CFDP1: variants seen among roughly 807,000 people sequenced by gnomAD.
CFDP1 encodes heterochromatin-stabilizing protein CFDP1.
Under a neutral mutation model 40.1 loss-of-function variants are expected in CFDP1, and 31 were observed. The ratio of observed to expected loss-of-function variants is 0.77; its 90% CI spans 0.58 to 1.04. The LOEUF (loss-of-function observed/expected upper bound fraction) is 1.04. CFDP1 is among the 50% of genes least tolerant of loss of function. CFDP1 has a pLI of 0.00. For synonymous variants in CFDP1, 167 were observed against 120.0 expected (o/e 1.39, Z -2.56); for missense variants, 423 against 343.4 (o/e 1.23, Z -1.83).
rs186312371 is a variant in CFDP1 at position 75,381,895 on chromosome 16, C to A, written c.650+13195G>T. Among the ~76,000 whole-genome samples, 24 of 152,156 alleles carry A rather than the reference C, an allele frequency of 1.6e-4. No individual in the cohort carries two copies. In the East Asian group the frequency reaches 4.1e-3, roughly 26 times the overall value. On this transcript the variant is annotated intron_variant, in intron 5 of 6. Transcript: ENST00000283882. Reference sequence around the variant, plus strand: ...GATGATACTATTAGATGCATAAAGACAAGAGGCCTATGAATCTTGGGAAAA... The same window carrying A: ...GATGATACTATTAGATGCATAAAGAAAAGAGGCCTATGAATCTTGGGAAAA...
At chr16:75,342,142 T>C (rs985082693) in intron 5 of CFDP1, among the ~76,000 whole-genome samples, 6 of 152,240 alleles carry the variant, frequency 3.9e-5, no homozygotes, top group Admixed American at 3.3e-4. Context: ...ACTGTCAGGA[T>C]TGATTTGTGG....
intron 5 of CFDP1, among the ~76,000 whole-genome samples, chr16:75,385,045 T>G (rs1353962826): frequency 1.3e-5 from 2 of 151,404 alleles, no homozygotes; most frequent in African/African-American, 2.4e-5. Context: ...TAAATAAACC[T>G]TGATAGGTAT....
At chr16:75,349,690 A>T (rs201669051) in intron 5 of CFDP1, among the ~76,000 whole-genome samples, 7,037 of 12,994 alleles carry the variant, frequency 0.54, 2,500 homozygotes, top group African/African-American at 0.71. Flanking sequence ...AAAAAAAAAA[A>T]ATATATATAC....
At chr16:75,427,165 A>C (rs570225170) in intron 1 of CFDP1, among the ~76,000 whole-genome samples, 2 of 152,314 alleles carry the variant, frequency 1.3e-5, no homozygotes, top group Admixed American at 1.3e-4. Flanking sequence ...AGACACACCA[A>C]AGAAGATAAA....
intron 1 of CFDP1, among the ~76,000 whole-genome samples, chr16:75,423,690 A>G (rs2079304763): frequency 6.6e-6 from 1 of 151,854 alleles, no homozygotes; most frequent in African/African-American, 2.4e-5. Flanking sequence ...AATTTTTTGT[A>G]TTTTTAGTTG....
intron 5 of CFDP1, among the ~76,000 whole-genome samples, chr16:75,332,272 C>T (rs1001953354): frequency 7.2e-5 from 11 of 152,078 alleles, no homozygotes; most frequent in African/African-American, 2.4e-4. Flanking sequence ...CGAGACCCGC[C>T]TGGACAATAT....
At chr16:75,396,440 G>A (rs2078995366) in intron 4 of CFDP1, among the ~76,000 whole-genome samples, 1 of 103,472 alleles carries the variant, frequency 9.7e-6, no homozygotes, top group African/African-American at 2.9e-5. Context: ...TAGGGAGGCT[G>A]AGGCAGGAGA....
chr16:75,423,236 G>A (rs2079299659), intron 1 of CFDP1, among the ~76,000 whole-genome samples: 5 of 146,184 alleles, frequency 3.4e-5, no homozygotes, highest in Admixed American at 3.4e-4. Flanking sequence ...AACCGAGATG[G>A]TGCCACTGCA....
rs564068237 is a variant in CFDP1, at chr16:75,357,158, C to T, written c.650+37932G>A. Among the ~76,000 whole-genome samples, 185 of 152,162 alleles carry T rather than the reference C, an allele frequency of 1.2e-3. 1 individual carries two copies. Among genetic ancestry groups the T allele is most frequent in the African/African-American group, 4.3e-3 (179 of 41,550 alleles). On this transcript the variant is annotated intron_variant, in intron 5 of 6. Transcript: ENST00000283882. ...GAACTTCTGGCCTCATGTGATCCAC[C>T]CGCCTTGGCCTCCCAAAGTGCTGGG...
chr16:75,308,391 C>T (rs551125538), intron 5 of CFDP1, among the ~76,000 whole-genome samples: 1 of 152,334 alleles, frequency 6.6e-6, no homozygotes, highest in Admixed American at 6.5e-5. Flanking sequence ...ACTCCCTGCA[C>T]TCAAAATCCT....
At chr16:75,364,125 CA>C (rs1248780955) in intron 5 of CFDP1, among the ~76,000 whole-genome samples, 2 of 151,910 alleles carry the variant, frequency 1.3e-5, no homozygotes, top group East Asian at 3.9e-4. Context: ...ATTAAAAAAA[CA>C]AAACAAAACA....
At chr16:75,305,984 C>T (rs1306781994) in intron 5 of CFDP1, among the ~76,000 whole-genome samples, 1 of 152,060 alleles carries the variant, frequency 6.6e-6, no homozygotes, top group Non-Finnish European at 1.5e-5. Flanking sequence ...TCAAATGTTT[C>T]CAGTCATTGT....
intron 4 of CFDP1, among the ~76,000 whole-genome samples, chr16:75,408,414 C>G (rs2151580577): frequency 6.6e-6 from 1 of 152,116 alleles, no homozygotes; most frequent in South Asian, 2.1e-4. Flanking sequence ...AGGAGGAGTA[C>G]AGTCATCAAT....
intron 5 of CFDP1, among the ~76,000 whole-genome samples, chr16:75,323,767 G>A (rs749919549): frequency 4.4e-5 from 6 of 137,416 alleles, no homozygotes; most frequent in Admixed American, 8.1e-5. Flanking sequence ...CAACAAGAGC[G>A]AAGCTCTGTC....
intron 6 of CFDP1, among the ~76,000 whole-genome samples, chr16:75,302,339 C>T (rs977355833): frequency 9.9e-5 from 15 of 152,180 alleles, no homozygotes; most frequent in Non-Finnish European, 1.3e-4. Context: ...GAGCTCACTG[C>T]AGCCTCAATC....
chr16:75,433,435 G>GC lies in CFDP1; in HGVS notation c.-84dup. 1 of 1,410,202 alleles carries GC rather than the reference G, an allele frequency of 7.1e-7. No individual in the cohort carries two copies. The highest frequency in any genetic ancestry group is 9.7e-7 in the Non-Finnish European group (1 of 1,030,904). The allele number at this position is 1,410,202 out of a possible 1,614,324, so 87.4% of individuals were successfully genotyped here. On this transcript the variant is annotated 5_prime_UTR_variant, in exon 1 of 7. The change creates a premature stop within an existing upstream ORF in the 5' untranslated region. Transcript: ENST00000283882. ...CAAAGCTCTAGGGAGAGACCATAGA[G>GC]CCCCGGCGGCGGCGACGGCAGCTAG...
chr16:75,367,650 G>T (rs541825432), intron 5 of CFDP1, among the ~76,000 whole-genome samples: 1 of 151,622 alleles, frequency 6.6e-6, no homozygotes, highest in African/African-American at 2.4e-5. Context: ...AAAATTAGCC[G>T]GTCGTGGTGG....
intron 5 of CFDP1, 164 bp from the exon 6 acceptor site, chr16:75,305,346 G>C: frequency 4.6e-6 from 3 of 649,738 alleles, no homozygotes; most frequent in Non-Finnish European, 7.8e-6. Context: ...AGCACTGTAA[G>C]TAAACTGGAA....
chr16:75,412,839 T>C, intron 2 of CFDP1, 85 bp from the exon 3 acceptor site: 2 of 1,077,130 alleles, frequency 1.9e-6, no homozygotes, highest in Non-Finnish European at 2.8e-6. Context: ...GGTAATCTTA[T>C]AAACCCAAGA....
Sources: allele counts gnomAD v4.1 joint callset (sites outside exome capture counted in the v4.1 genomes callset), GRCh38; gene constraint gnomAD v4.1.1; transcripts MANE v1.5; gene names NCBI Gene and HGNC (gene_info 2026-07-23, HGNC 2026-07-21).